The following ABI3BP variants were observed in gnomAD, a reference collection of about 807,000 sequenced individuals.
The protein encoded by ABI3BP is target of Nesh-SH3.
In ABI3BP, 216 loss-of-function variants were observed where a neutral mutation model predicts 268.6. The ratio of observed to expected loss-of-function variants is 0.80; its 90% CI spans 0.72 to 0.90. The LOEUF (loss-of-function observed/expected upper bound fraction) is 0.90. Among genes scored for constraint, ABI3BP ranks in the 40% least tolerant of loss-of-function variants. The pLI, the probability that ABI3BP is intolerant of heterozygous loss-of-function variation, is 0.00. For missense variants in ABI3BP, 2,090 were observed against 2,182.4 expected (o/e 0.96, Z 0.84); for synonymous variants, 730 against 730.0 (o/e 1.00, Z 0.00).
chr3:100,824,214 A>G (rs1049406309), intron 36 of ABI3BP, among the ~76,000 whole-genome samples: 1 of 152,152 alleles, frequency 6.6e-6, no homozygotes, highest in Non-Finnish European at 1.5e-5. Context: ...ATGCACCATC[A>G]TCAACAGTCG....
At chr3:100,942,871 T>G (rs895597392) in intron 1 of ABI3BP, among the ~76,000 whole-genome samples, 1 of 152,120 alleles carries the variant, frequency 6.6e-6, no homozygotes, top group Non-Finnish European at 1.5e-5. Flanking sequence ...GACAATAAAA[T>G]TAATGGGCCC....
At chr3:100,902,501 ACCT>A in intron 3 of ABI3BP, 114 bp downstream of exon 3, 1 of 847,376 alleles carries the variant, frequency 1.2e-6, no homozygotes, top group Non-Finnish European at 1.8e-6. Flanking sequence ...CAGGGCTGAC[ACCT>A]CCTCTACATT....
chr3:100,886,060 C>T, intron 5 of ABI3BP, 82 bp downstream of exon 5: 1 of 1,066,952 alleles, frequency 9.4e-7, no homozygotes, highest in South Asian at 2.1e-5. Flanking sequence ...TCATATTATA[C>T]AATGAATAAC....
chr3:100,944,016 G>A (rs1443119368), intron 1 of ABI3BP, among the ~76,000 whole-genome samples: 5 of 151,970 alleles, frequency 3.3e-5, no homozygotes, highest in Admixed American at 6.6e-5. Context: ...AGTAGTAAGC[G>A]CAGATAAAAC....
intron 1 of ABI3BP, among the ~76,000 whole-genome samples, chr3:100,976,847 T>C (rs757450163): frequency 3.9e-5 from 6 of 152,160 alleles, no homozygotes; most frequent in Admixed American, 6.5e-5. Flanking sequence ...TCGACTCTTC[T>C]AAATGATAGC....
intron 39 of ABI3BP, 58 bp downstream of exon 39, chr3:100,820,996 G>A (rs1226833082): frequency 1.4e-6 from 2 of 1,381,264 alleles, no homozygotes; most frequent in Non-Finnish European, 2.0e-6. Flanking sequence ...TATGATGATG[G>A]AATGGGTTTG....
intron 49 of ABI3BP, 31 bp from the exon 50 acceptor site, chr3:100,808,266 T>G (rs371594573): frequency 6.4e-7 from 1 of 1,554,172 alleles, no homozygotes; most frequent in African/African-American, 1.4e-5. Context: ...TCGGAAATCT[T>G]GAGCCCTTCA....
intron 32 of ABI3BP, 119 bp from the exon 33 acceptor site, chr3:100,829,783 T>G: frequency 2.6e-6 from 2 of 760,112 alleles, no homozygotes; most frequent in Non-Finnish European, 4.3e-6. Flanking sequence ...TTGAAATATT[T>G]GCCCCTATTT....
chr3:100,938,318 C>G (rs1371933178), intron 1 of ABI3BP, among the ~76,000 whole-genome samples: 1 of 147,206 alleles, frequency 6.8e-6, no homozygotes, highest in Non-Finnish European at 1.5e-5. Context: ...AAAAAACAAG[C>G]AAACATAGGG....
At chr3:100,802,631 A>T (rs2097565339) in intron 51 of ABI3BP, among the ~76,000 whole-genome samples, 1 of 152,146 alleles carries the variant, frequency 6.6e-6, no homozygotes, top group Admixed American at 6.6e-5. Context: ...GAATCTATAG[A>T]ATGGAAGTGC....
At chr3:100,983,248 G>T (rs946552336) in intron 1 of ABI3BP, among the ~76,000 whole-genome samples, 19 of 152,114 alleles carry the variant, frequency 1.2e-4, no homozygotes, top group African/African-American at 3.4e-4. Flanking sequence ...TTACATTAGA[G>T]AAACAGTGGA....
rs1335066462 is a variant in ABI3BP at position 100,841,877 on chromosome 3, G to A, written c.1765+121C>T. The A allele has an allele frequency of 5.0e-5, 41 of 827,986 alleles. No homozygotes were observed. The East Asian group carries it at 7.5e-4, about 15-fold the overall frequency. 51.3% of individuals were successfully genotyped at this position (827,986 alleles called of 1,614,324 possible). A position where few individuals can be genotyped will look rare whatever the true frequency, so the allele number is the denominator to read the frequency against. Reference sequence around the variant, plus strand: ...TGCACTCCAGCCTGGGCAAAAAAACGAGAGTGAAACTTCATCTGGAGAAGA... The same window carrying A: ...TGCACTCCAGCCTGGGCAAAAAAACAAGAGTGAAACTTCATCTGGAGAAGA... On this transcript the variant is annotated intron_variant, in intron 21 of 67. Coordinates refer to ENST00000471714, the MANE Select transcript of ABI3BP (RefSeq NM_001375547.2).
intron 34 of ABI3BP, among the ~76,000 whole-genome samples, chr3:100,827,505 G>A (rs1207266787): frequency 1.3e-5 from 2 of 152,076 alleles, no homozygotes; most frequent in Admixed American, 1.3e-4. Flanking sequence ...TCAATGGAAG[G>A]TTTTTGGAGG....
intron 24 of ABI3BP, 31 bp from the exon 25 acceptor site, chr3:100,838,495 T>TACC (rs1452450918): frequency 6.7e-7 from 1 of 1,496,122 alleles, no homozygotes; most frequent in Non-Finnish European, 9.0e-7. Context: ...ATTACCACAA[T>TACC]GGGTCATGGC....
rs995527991 is a variant in ABI3BP at position 100,866,878 on chromosome 3, C to T, written c.988+1G>A. 3 of 1,612,790 alleles carry T rather than the reference C, an allele frequency of 1.9e-6. No homozygotes were observed. The African/African-American group carries it at 4.0e-5, about 22-fold the overall frequency. ...GGTCAACAACATAGCGATCTCATTA[C>T]CTGTTGTGGGTCGTGCTGAGATTTT... On this transcript the variant is annotated splice_donor_variant, in intron 10 of 67. Coordinates refer to ENST00000471714, the MANE Select transcript of ABI3BP (RefSeq NM_001375547.2). LOFTEE classifies it high-confidence loss of function.
At chr3:100,918,739 T>C (rs1409739235) in intron 2 of ABI3BP, among the ~76,000 whole-genome samples, 1 of 152,160 alleles carries the variant, frequency 6.6e-6, no homozygotes, top group African/African-American at 2.4e-5. Flanking sequence ...ATAGCCATAA[T>C]ACATCTCCCC....
chr3:100,966,301 C>G (rs976354120), intron 1 of ABI3BP, among the ~76,000 whole-genome samples: 4 of 152,218 alleles, frequency 2.6e-5, no homozygotes, highest in African/African-American at 9.6e-5. Flanking sequence ...TCATCCATCA[C>G]CTTAGCTTTT....
Position 100,950,725 on chromosome 3 carries a change from T to G in ABI3BP, c.80-24244A>C, listed in dbSNP as rs538827734. 2.6e-5 allele frequency among the ~76,000 whole-genome samples: 4 copies of G among 152,088 alleles called. 1 individual carries two copies. In the South Asian group the frequency reaches 8.3e-4, roughly 32 times the overall value. On this transcript the variant is annotated intron_variant, in intron 1 of 67. Coordinates refer to ENST00000471714, the MANE Select transcript of ABI3BP (RefSeq NM_001375547.2). ...AAAAATTAATATAAGATTACAAATA[T>G]CTAATGGCATTTCATATCTTTTCCA...
At chr3:100,986,750 T>C (rs1011500893) in intron 1 of ABI3BP, among the ~76,000 whole-genome samples, 1 of 152,154 alleles carries the variant, frequency 6.6e-6, no homozygotes, top group African/African-American at 2.4e-5. Context: ...TACACTAATA[T>C]ACTCTTTAAA....
Sources: gnomAD v4.1 joint callset for allele counts (sites outside exome capture counted in the v4.1 genomes callset) on GRCh38, gnomAD v4.1.1 for gene constraint, MANE v1.5 for transcripts, NCBI Gene and HGNC (gene_info 2026-07-23, HGNC 2026-07-21) for gene names.